C4BPA: variants seen among roughly 807,000 people sequenced by gnomAD.
C4BPA encodes the protein complement component 4 binding protein alpha, also known as C4b-binding protein alpha chain.
A neutral mutation model predicts 63.7 loss-of-function variants in C4BPA; 31 were observed. The ratio of observed to expected loss-of-function variants is 0.49; its 90% confidence interval spans 0.37 to 0.66. C4BPA has a LOEUF of 0.66. C4BPA is among the 30% of genes least tolerant of loss of function. The pLI, the probability that C4BPA is intolerant of heterozygous loss-of-function variation, is 0.00. For missense variants in C4BPA, 572 were observed against 723.3 expected, an observed-to-expected ratio of 0.79 and a Z score of 2.40; for synonymous variants, 259 against 254.7, an observed-to-expected ratio of 1.02 and a Z score of -0.16.
rs1302118445 is a variant in C4BPA, at chr1:207,137,420, T to G, written c.1273+2828T>G. Among the ~76,000 whole-genome samples the G allele has an allele frequency of 2.0e-5, 3 of 152,304 alleles. No homozygotes were observed. The East Asian group carries it at 5.8e-4, about 29-fold the overall frequency. ...ACATTTTAGGGAGACATAATACATG[T>G]AAGATTTATACTGGTTTGATCTGGA... On this transcript the variant is annotated intron_variant, in intron 9 of 11. Transcript: ENST00000367070.
intron 8 of C4BPA, among the ~76,000 whole-genome samples, chr1:207,131,959 T>G (rs1685169378): frequency 6.6e-6 from 1 of 152,176 alleles, no homozygotes; most frequent in Non-Finnish European, 1.5e-5. Flanking sequence ...CAGAATCAAA[T>G]GAGAAGTAGA....
At chr1:207,106,083 C>T (rs1684552736) in intron 1 of C4BPA, among the ~76,000 whole-genome samples, 1 of 152,176 alleles carries the variant, frequency 6.6e-6, no homozygotes, top group Admixed American at 6.5e-5. Flanking sequence ...TCTTCAAGAT[C>T]ACAGACTTAG....
rs563069389 is a variant in C4BPA, at chr1:207,131,076, G to A, written c.890-470G>A. ...TGAATCAGTAGCATTGGGAAAGAGA[G>A]AAGAGGACAAGATCCAAGGCCCAGG... On this transcript the variant is annotated intron_variant, in intron 7 of 11. Transcript: ENST00000367070. 3.9e-5 allele frequency among the ~76,000 whole-genome samples: 6 copies of A among 152,326 alleles called. No homozygotes were observed. In the South Asian group the frequency reaches 1.0e-3, roughly 26 times the overall value.
chr1:207,132,586 T>C (rs998626963), intron 8 of C4BPA, among the ~76,000 whole-genome samples: 4 of 152,240 alleles, frequency 2.6e-5, no homozygotes, highest in African/African-American at 9.6e-5. Context: ...CAAAGTTTAA[T>C]TGCAGTTATT....
chr1:207,106,658 G>A (rs1470164292), intron 1 of C4BPA, among the ~76,000 whole-genome samples: 4 of 152,130 alleles, frequency 2.6e-5, no homozygotes, highest in African/African-American at 9.7e-5. Context: ...AGCCAGGATG[G>A]TCTCGACTTC....
Position 207,144,549 on chromosome 1 carries a change from C to A in C4BPA, c.1626C>A (p.Thr542=). ...CCACCACTTATATCTTTTAGGAGAC[C>A]CCCGAAGGCTGTGAACAAGTGCTCA... ...YPEVPKCEWE[T]PEGCEQVLTG... is the part of the protein sequence containing the mutation. Residue 542 remains threonine (T), a synonymous_variant, in exon 12 of 12, where the codon ACC becomes ACA. Transcript: ENST00000367070. 6.2e-7 allele frequency: 1 copy of A among 1,606,410 alleles called. No homozygotes were observed. The highest frequency in any genetic ancestry group is 8.5e-7 in the Non-Finnish European group (1 of 1,177,278).
At chr1:207,121,605 T>C (rs1317854528) in intron 4 of C4BPA, among the ~76,000 whole-genome samples, 1 of 152,136 alleles carries the variant, frequency 6.6e-6, no homozygotes, top group East Asian at 1.9e-4. Flanking sequence ...ATGTGAGTGA[T>C]ACTTATAGAC....
Position 207,143,887 on chromosome 1 carries a change from A to AAAATG in C4BPA, c.1515_1519dup (p.Val507GlufsTer61). The AAAATG allele has an allele frequency of 6.2e-7, 1 of 1,613,250 alleles. No homozygotes were observed. The highest frequency in any genetic ancestry group is 8.5e-7 in the Non-Finnish European group (1 of 1,179,426). On this transcript the variant is annotated frameshift_variant, in exon 11 of 12. Coordinates refer to ENST00000367070, the MANE Select transcript of C4BPA (RefSeq NM_000715.4). LOFTEE classifies it high-confidence loss of function. ...GATAAGGATCAGTATGTTGAGCCTGAAAATGTCACCATCCAATGTGATTCT... is the reference window on the plus strand; with the variant it reads ...GATAAGGATCAGTATGTTGAGCCTGAAAATGAAATGTCACCATCCAATGTGATTCT...
At chr1:207,136,234 G>A (rs890004305) in intron 9 of C4BPA, among the ~76,000 whole-genome samples, 1 of 152,208 alleles carries the variant, frequency 6.6e-6, no homozygotes, top group African/African-American at 2.4e-5. Context: ...TGTCTTCCAT[G>A]CATGCCACCA....
At chr1:207,114,344 G>T in intron 3 of C4BPA, 59 bp downstream of exon 3, 1 of 1,350,196 alleles carries the variant, frequency 7.4e-7, no homozygotes, top group Non-Finnish European at 1.0e-6. Flanking sequence ...AGTTGTCTCA[G>T]AAACTAAATT....
chr1:207,114,324 A>G (rs952528698), intron 3 of C4BPA, 39 bp downstream of exon 3: 1 of 1,499,320 alleles, frequency 6.7e-7, no homozygotes, highest in African/African-American at 1.4e-5. Context: ...TGCTTTTCCT[A>G]TCTTTGGAAA....
intron 1 of C4BPA, among the ~76,000 whole-genome samples, chr1:207,109,891 A>C (rs1684630402): frequency 6.6e-6 from 1 of 152,200 alleles, no homozygotes; most frequent in African/African-American, 2.4e-5. Context: ...CTTGCTTTAA[A>C]ATCAGGTAAA....
intron 1 of C4BPA, among the ~76,000 whole-genome samples, chr1:207,109,359 C>T (rs1337241494): frequency 6.6e-6 from 1 of 152,240 alleles, no homozygotes; most frequent in African/African-American, 2.4e-5. Flanking sequence ...AATGCCAATT[C>T]TATGAAACTC....
chr1:207,134,445 A>G lies in C4BPA; in HGVS notation c.1126A>G (p.Thr376Ala). ...ACCAAAGCTAAATAATGGTGAAATC[A>G]CTCAACACAGGAAAAGTCGTCCTGC... ...PEPKLNNGEI[T>A]QHRKSRPANH... The change falls in exon 9 of 12, where the codon ACT becomes GCT. Residue 376 changes from threonine to alanine, a missense_variant. Physicochemically the swap from Thr to Ala is moderately conservative, Grantham distance 58 (BLOSUM62 0). Transcript: ENST00000367070. The G allele has an allele frequency of 6.2e-7, 1 of 1,613,854 alleles. No homozygotes were observed. The highest frequency in any genetic ancestry group is 8.5e-7 in the Non-Finnish European group (1 of 1,179,834).
intron 1 of C4BPA, among the ~76,000 whole-genome samples, chr1:207,106,673 C>T (rs1253251510): frequency 6.6e-6 from 1 of 152,188 alleles, no homozygotes; most frequent in African/African-American, 2.4e-5. Flanking sequence ...GACTTCCTGA[C>T]CTCGTGATCT....
At chr1:207,109,574 G>C (rs1231603564) in intron 1 of C4BPA, among the ~76,000 whole-genome samples, 1 of 152,210 alleles carries the variant, frequency 6.6e-6, no homozygotes, top group East Asian at 1.9e-4. Flanking sequence ...TTCTGGGTGT[G>C]ACTCCAGAGC....
At chr1:207,123,746 C>T (rs369407291) in intron 4 of C4BPA, among the ~76,000 whole-genome samples, 176 bp from the exon 5 acceptor site, 57 of 152,300 alleles carry the variant, frequency 3.7e-4, no homozygotes, top group East Asian at 1.7e-3. Flanking sequence ...AAAAAACACA[C>T]GCATCTCATT....
chr1:207,141,119 T>C lies in C4BPA; in HGVS notation c.1287T>C (p.Pro429=). 1 of 1,610,490 alleles carries C rather than the reference T, an allele frequency of 6.2e-7. No homozygotes were observed. The highest frequency in any genetic ancestry group is 1.1e-5 in the South Asian group (1 of 90,690). The change falls in exon 10 of 12, where the codon CCT becomes CCC. Residue 429 remains proline, a synonymous_variant. Transcript: ENST00000367070. ...TPSCGDICNF[P]PKIAHGHYKQ... ...CTCTCCCTCAAGTTTGCAATTTTCC[T>C]CCTAAAATTGCCCATGGGCATTATA...
intron 3 of C4BPA, among the ~76,000 whole-genome samples, chr1:207,115,036 G>A (rs887227281): frequency 6.6e-6 from 1 of 152,070 alleles, no homozygotes; most frequent in African/African-American, 2.4e-5. Context: ...CAATAGCAGG[G>A]GTATACAATC....
Sources: allele counts gnomAD v4.1 joint callset (sites outside exome capture counted in the v4.1 genomes callset), GRCh38; gene constraint gnomAD v4.1.1; transcripts MANE v1.5; gene names NCBI Gene and HGNC (gene_info 2026-07-23, HGNC 2026-07-21).